CMSS1: variants seen among roughly 807,000 people sequenced by gnomAD.
The protein encoded by CMSS1 is cms1 ribosomal small subunit homolog.
Under a neutral mutation model 43.5 loss-of-function variants are expected in CMSS1, and 33 were observed. The observed-to-expected ratio is 0.76, with a 90% CI of 0.57 to 1.01. The LOEUF is 1.01. Ranked by LOEUF, CMSS1 falls within the 50% of genes least tolerant of loss-of-function variation. The probability of loss-of-function intolerance (pLI) is 0.00; values close to 1 mark genes in which losing one functional copy is unlikely to be tolerated. For missense variants in CMSS1, 313 were observed against 326.4 expected, an observed-to-expected ratio of 0.96 and a Z score of 0.32; for synonymous variants, 115 against 117.2, an observed-to-expected ratio of 0.98 and a Z score of 0.12.
chr3:99,987,080 A>G (rs954152781), intron 1 of CMSS1, among the ~76,000 whole-genome samples: 13 of 151,876 alleles, frequency 8.6e-5, no homozygotes, highest in Non-Finnish European at 1.9e-4. Context: ...AAATACAAAA[A>G]TTAGCCAACC....
intron 1 of CMSS1, among the ~76,000 whole-genome samples, chr3:99,857,093 AT>A (rs1292436886): frequency 1.3e-5 from 2 of 152,004 alleles, no homozygotes; most frequent in African/African-American, 2.4e-5. Context: ...AACCACATGA[AT>A]TTTTTTTGAA....
intron 1 of CMSS1, chr3:99,924,427 A>G (rs368896860): frequency 1.2e-5 from 19 of 1,608,996 alleles, no homozygotes; most frequent in Non-Finnish European, 1.4e-5. Context: ...GAAAACATTT[A>G]TAGCCTGTTA....
intron 4 of CMSS1, among the ~76,000 whole-genome samples, 169 bp from the exon 5 acceptor site, chr3:100,166,166 T>TTGC (rs1175742713): frequency 6.6e-6 from 1 of 152,240 alleles, no homozygotes; most frequent in African/African-American, 2.4e-5. Flanking sequence ...AGTTTACTTG[T>TTGC]TGCTGCTGCT....
chr3:100,139,720 C>T (rs1243283209), intron 1 of CMSS1, among the ~76,000 whole-genome samples: 2 of 150,070 alleles, frequency 1.3e-5, no homozygotes, highest in Non-Finnish European at 3.0e-5. Flanking sequence ...TCGCTTGAAC[C>T]CAGGAGGCGG....
At chr3:99,938,859 C>T (rs187088763) in intron 1 of CMSS1, among the ~76,000 whole-genome samples, 2 of 152,166 alleles carry the variant, frequency 1.3e-5, no homozygotes, top group Admixed American at 1.3e-4. Flanking sequence ...CTTTTATTGC[C>T]CTACTCACCC....
At chr3:100,055,906 TGTATA>T (rs1359634631) in intron 1 of CMSS1, among the ~76,000 whole-genome samples, 1 of 152,244 alleles carries the variant, frequency 6.6e-6, no homozygotes, top group African/African-American at 2.4e-5. Context: ...AAAGATTATC[TGTATA>T]GTACCCTCAT....
intron 2 of CMSS1, among the ~76,000 whole-genome samples, chr3:100,151,294 A>T (rs1003033458): frequency 2.6e-5 from 4 of 152,242 alleles, no homozygotes; most frequent in Non-Finnish European, 5.9e-5. Context: ...GCTTAAAATA[A>T]AACAAAAACA....
At chr3:100,025,270 C>G (rs1308278135) in intron 1 of CMSS1, among the ~76,000 whole-genome samples, 1 of 152,158 alleles carries the variant, frequency 6.6e-6, no homozygotes, top group Non-Finnish European at 1.5e-5. Flanking sequence ...GTCTAAAGGG[C>G]ACAGGCCTCT....
chr3:100,152,834 A>T (rs575140316), intron 2 of CMSS1, among the ~76,000 whole-genome samples: 1 of 152,172 alleles, frequency 6.6e-6, no homozygotes, highest in Non-Finnish European at 1.5e-5. Flanking sequence ...TTAGTTTCCA[A>T]TAAGATTTTT....
At chr3:99,870,608 A>G (rs978890913) in intron 1 of CMSS1, among the ~76,000 whole-genome samples, 4 of 152,160 alleles carry the variant, frequency 2.6e-5, no homozygotes, top group Admixed American at 2.6e-4. Flanking sequence ...TGGTGAACTT[A>G]GTTGCTGGGC....
chr3:99,920,078 A>AT (rs1707076968), intron 1 of CMSS1, among the ~76,000 whole-genome samples: 1 of 152,234 alleles, frequency 6.6e-6, no homozygotes, highest in Admixed American at 6.5e-5. Context: ...ATGAAAAGTA[A>AT]TTTAAGGCTT....
intron 1 of CMSS1, chr3:100,115,064 C>A: frequency 9.3e-7 from 1 of 1,073,296 alleles, no homozygotes; most frequent in Non-Finnish European, 1.4e-6. Flanking sequence ...AACCTTCATA[C>A]TTAGGATTGC....
chr3:100,135,895 A>G (rs2066749146), intron 1 of CMSS1, among the ~76,000 whole-genome samples: 1 of 152,150 alleles, frequency 6.6e-6, no homozygotes, highest in African/African-American at 2.4e-5. Context: ...GTGTTTTACC[A>G]TCCTAGTCCA....
intron 2 of CMSS1, among the ~76,000 whole-genome samples, chr3:100,154,576 TC>T (rs1306672554): frequency 6.6e-6 from 1 of 152,234 alleles, no homozygotes; most frequent in Non-Finnish European, 1.5e-5. Context: ...AAAAGCCACT[TC>T]TAAGTTGTTT....
chr3:99,846,096 AT>A, intron 1 of CMSS1, among the ~76,000 whole-genome samples: 1 of 152,332 alleles, frequency 6.6e-6, no homozygotes, highest in South Asian at 2.1e-4. Flanking sequence ...AATAGCCCAA[AT>A]TTGGCTCCCA....
At chr3:100,088,083 G>A (rs1452357116) in intron 1 of CMSS1, among the ~76,000 whole-genome samples, 4 of 151,892 alleles carry the variant, frequency 2.6e-5, no homozygotes, top group Non-Finnish European at 5.9e-5. Context: ...TGCCTGCCTC[G>A]GCCTCCCAAA....
intron 7 of CMSS1, 124 bp downstream of exon 7, chr3:100,172,023 C>G: frequency 1.3e-6 from 1 of 785,812 alleles, no homozygotes; most frequent in South Asian, 1.8e-5. Flanking sequence ...TAACATTTAA[C>G]AACTTTTCTG....
At chr3:99,904,919 T>C (rs149800190) in intron 1 of CMSS1, among the ~76,000 whole-genome samples, 1,762 of 152,270 alleles carry the variant, frequency 0.012, 18 homozygotes, top group African/African-American at 0.026. Flanking sequence ...CCTCACCACC[T>C]TCTTTGGGTC....
chr3:100,038,475 A>G (rs1333115008), intron 1 of CMSS1, among the ~76,000 whole-genome samples: 1 of 152,194 alleles, frequency 6.6e-6, no homozygotes, highest in Admixed American at 6.5e-5. Context: ...GAAACAGGCA[A>G]TACTACTCAG....
Sources: gnomAD v4.1 joint callset for allele counts (sites outside exome capture counted in the v4.1 genomes callset) on GRCh38, gnomAD v4.1.1 for gene constraint, MANE v1.5 for transcripts, NCBI Gene and HGNC (gene_info 2026-07-23, HGNC 2026-07-21) for gene names.